F8: variants seen among roughly 807,000 people sequenced by gnomAD.
F8 encodes antihemophilic factor.
F8 carries 12 observed loss-of-function variants against 140.6 expected under a neutral mutation model. The observed-to-expected ratio is 0.09, with a 90% CI of 0.05 to 0.14. The LOEUF is 0.14. Among genes scored for constraint, F8 ranks in the 10% least tolerant of loss-of-function variants. F8 has a pLI of 1.00. For synonymous variants in F8, 585 were observed against 614.6 expected (o/e 0.95, Z 0.71); for missense variants, 1,354 against 1,720.7 (o/e 0.79, Z 3.77).
chrX:154,838,142 C>T (rs1031191753), intron 25 of F8, among the ~76,000 whole-genome samples: 2 of 112,326 alleles, frequency 1.8e-5, no homozygotes, highest in African/African-American at 6.5e-5. Context: ...TGGTAGCTAT[C>T]GTTATTAGAT....
intron 6 of F8, among the ~76,000 whole-genome samples, chrX:154,981,420 G>A (rs1557283544): frequency 9.3e-6 from 1 of 107,897 alleles, no homozygotes; most frequent in Admixed American, 1.0e-4. Context: ...ATGAAGGCCC[G>A]GAAAGAAGAC....
intron 5 of F8, among the ~76,000 whole-genome samples, chrX:154,986,335 G>T (rs2073558183): frequency 8.9e-6 from 1 of 111,735 alleles, no homozygotes; most frequent in Non-Finnish European, 1.9e-5. Context: ...TTATCACCCA[G>T]GCTGGAGTGC....
Position 154,852,869 on chromosome X carries a change from G to A in F8, c.6900+7563C>T, listed in dbSNP as rs945313163. 3.6e-5 allele frequency among the ~76,000 whole-genome samples: 4 copies of A among 111,464 alleles called. 1 individual carries two copies. The South Asian group carries it at 1.1e-3, about 31-fold the overall frequency. ...AGCCTGAGCGACAGAGTGAGACTCC[G>A]TCTCAAATCAAAAAACAAACAAACA... On this transcript the variant is annotated intron_variant, in intron 25 of 25. Transcript: ENST00000360256.
At chrX:154,935,992 AC>A (rs2073222710) in intron 13 of F8, among the ~76,000 whole-genome samples, 1 of 108,199 alleles carries the variant, frequency 9.2e-6, no homozygotes, top group Non-Finnish European at 1.9e-5. Context: ...ACACACACAC[AC>A]ACACACACAC....
At chrX:154,969,647 A>G in intron 6 of F8, 95 bp from the exon 7 acceptor site, 1 of 764,451 alleles carries the variant, frequency 1.3e-6, no homozygotes, top group Non-Finnish European at 2.0e-6. Context: ...GACTTTAGAC[A>G]CTTTATTGCT....
intron 25 of F8, among the ~76,000 whole-genome samples, chrX:154,843,804 A>G (rs1557271498): frequency 9.0e-6 from 1 of 111,389 alleles, no homozygotes; most frequent in Non-Finnish European, 1.9e-5. Flanking sequence ...ATTAGATCCC[A>G]TTTGTCAATT....
At chrX:154,879,276 C>T (rs1311529829) in intron 22 of F8, among the ~76,000 whole-genome samples, 1 of 112,111 alleles carries the variant, frequency 8.9e-6, no homozygotes, top group Non-Finnish European at 1.9e-5. Flanking sequence ...CTTTGTGGTA[C>T]TGGCATAAGG....
chrX:154,973,243 T>G (rs1557282737), intron 6 of F8, among the ~76,000 whole-genome samples: 1 of 112,621 alleles, frequency 8.9e-6, no homozygotes, highest in African/African-American at 3.2e-5. Flanking sequence ...AATGCTGTTT[T>G]GGTTACTATA....
Position 154,842,815 on chromosome X carries a change from ACTGTAAGTT to A in F8, c.6901-5072_6901-5064del, listed in dbSNP as rs1360862911. Among the ~76,000 whole-genome samples, 117 of 111,365 alleles carry A rather than the reference ACTGTAAGTT, an allele frequency of 1.1e-3. 1 individual carries two copies. The highest frequency in any genetic ancestry group is 5.7e-4 in the Non-Finnish European group (30 of 52,997). Reference sequence around the variant, plus strand: ...TTTGCAATTTCTTTTTTTTTATTATACTGTAAGTTCTAGGGTACATGTGCACAACGTGCA... The same window carrying A: ...TTTGCAATTTCTTTTTTTTTATTATACTAGGGTACATGTGCACAACGTGCA... On this transcript the variant is annotated intron_variant, in intron 25 of 25. Transcript: ENST00000360256.
intron 14 of F8, among the ~76,000 whole-genome samples, chrX:154,921,148 A>C (rs1173182014): frequency 1.8e-5 from 2 of 112,229 alleles, no homozygotes; most frequent in Admixed American, 9.5e-5. Context: ...CAGGATTTTA[A>C]ATCTATATTT....
chrX:154,927,220 A>G (rs782004395), intron 14 of F8, among the ~76,000 whole-genome samples: 1 of 111,728 alleles, frequency 9.0e-6, no homozygotes, highest in African/African-American at 3.2e-5. Context: ...AAGAGGAGAG[A>G]ATGGCAGGAA....
Position 154,895,954 on chromosome X carries a change from A to G in F8, c.6429+123T>C, listed in dbSNP as rs181787656. 72 of 706,826 alleles carry G rather than the reference A, an allele frequency of 1.0e-4. No individual in the cohort carries two copies. In the African/African-American group the frequency reaches 1.4e-3, roughly 13 times the overall value. The allele number at this position is 706,826 out of a possible 1,213,427, so 58.3% of individuals were successfully genotyped here. A position where few individuals can be genotyped will look rare whatever the true frequency, so the allele number is the denominator to read the frequency against. ...TATGTCCGTAATAACTCTATTGCTCATAAGTGAAAAATTATTTTTTGGAAT... is the reference window on the plus strand; with the variant it reads ...TATGTCCGTAATAACTCTATTGCTCGTAAGTGAAAAATTATTTTTTGGAAT... On this transcript the variant is annotated intron_variant, in intron 22 of 25. Transcript: ENST00000360256.
intron 1 of F8, among the ~76,000 whole-genome samples, chrX:155,020,723 C>G (rs1271791889): frequency 9.0e-6 from 1 of 111,406 alleles, no homozygotes; most frequent in Non-Finnish European, 1.9e-5. Context: ...ATCCAATAGC[C>G]AACAAGCATT....
In F8 at chrX:154,946,592, A is replaced by G. The variant is rs181590119; in HGVS notation, c.2113+1106T>C. On this transcript the variant is annotated intron_variant, in intron 13 of 25. Transcript: ENST00000360256. Reference sequence around the variant, plus strand: ...ATCAAATCAAAATGGATTAGAGACTAAAATATACAACCTGAAAGTATGAAA... The same window carrying G: ...ATCAAATCAAAATGGATTAGAGACTGAAATATACAACCTGAAAGTATGAAA... 7.1e-5 allele frequency among the ~76,000 whole-genome samples: 8 copies of G among 112,115 alleles called. No individual in the cohort carries two copies. In the Middle Eastern group the frequency reaches 0.014, roughly 192 times the overall value.
Position 154,928,752 on chromosome X carries a change from C to T in F8, c.5038G>A (p.Glu1680Lys), listed in dbSNP as rs1557278285. Residue 1680 changes from glutamate (E) to lysine (K), a missense_variant, in exon 14 of 26, where the codon GAA (glutamate) becomes AAA (lysine). Glu to Lys is a moderately conservative substitution (Grantham distance 56). This residue lies in a region of F8 where 658 missense variants were observed against 666.5 expected (regional missense o/e 0.99). Transcript: ENST00000360256. ...TRTTLQSDQE[E>K]IDYDDTISVE... ...GATATGGTATCATCATAGTCAATTT[C>T]CTCTTGATCTGACTGAAGAGTAGTA... The T allele has an allele frequency of 1.7e-6, 2 of 1,211,251 alleles. No homozygotes were observed. The highest frequency in any genetic ancestry group is 3.0e-5 in the East Asian group (1 of 33,837).
At position 154,947,755 on chromosome X, in the gene F8, T is replaced by C. The variant is rs1165334329; in HGVS notation, c.2056A>G (p.Thr686Ala). 4 of 1,209,417 alleles carry C rather than the reference T, an allele frequency of 3.3e-6. No homozygotes were observed. In the African/African-American group the frequency reaches 5.2e-5, roughly 16 times the overall value. ...CCTGAGAATGGGAATAGGGTGAGTG[T>C]GTCTTCATAGACCATTTTGTGTTTG... is the stretch of plus-strand genomic sequence containing the variant. ...TFKHKMVYED[T>A]LTLFPFSGET... is the part of the protein sequence containing the mutation. The change falls in exon 13 of 26, where the codon ACA (threonine) becomes GCA (alanine). Residue 686 changes from threonine to alanine, a missense_variant. This residue lies in a region of F8 where 252 missense variants were observed against 338.5 expected (regional missense o/e 0.74). Transcript: ENST00000360256.
intron 13 of F8, 108 bp from the exon 14 acceptor site, chrX:154,931,784 A>G: frequency 3.1e-6 from 2 of 653,025 alleles, no homozygotes; most frequent in East Asian, 3.4e-5. Context: ...ACTAGTCAGT[A>G]TCATTATATC....
chrX:154,867,608 A>G (rs1197087444), intron 22 of F8, among the ~76,000 whole-genome samples: 1 of 105,021 alleles, frequency 9.5e-6, no homozygotes, highest in Non-Finnish European at 1.9e-5. Flanking sequence ...GAATCGCTTG[A>G]ATCCAGGAGG....
At chrX:154,874,959 TGATG>T (rs2072800945) in intron 22 of F8, among the ~76,000 whole-genome samples, 1 of 112,050 alleles carries the variant, frequency 8.9e-6, no homozygotes, top group African/African-American at 3.3e-5. Context: ...GTGTGTCCAT[TGATG>T]GATGGAGGGA....
Sources: allele counts gnomAD v4.1 joint callset (sites outside exome capture counted in the v4.1 genomes callset), GRCh38; gene constraint gnomAD v4.1.1; regional missense constraint gnomAD v4.1.1; transcripts MANE v1.5; gene names NCBI Gene and HGNC (gene_info 2026-07-23, HGNC 2026-07-21).